CDH8: variants seen among roughly 807,000 people sequenced by gnomAD.
CDH8 encodes the protein cadherin-8.
Under a neutral mutation model 68.1 loss-of-function variants are expected in CDH8, and 17 were observed. The ratio of observed to expected loss-of-function variants is 0.25; its 90% CI spans 0.17 to 0.37. The LOEUF is 0.37. Ranked by LOEUF, CDH8 falls within the 10% of genes least tolerant of loss-of-function variation. The pLI, the probability that CDH8 is intolerant of heterozygous loss-of-function variation, is 1.00. For synonymous variants in CDH8, 372 were observed against 365.1 expected (o/e 1.02, Z -0.21); for missense variants, 763 against 999.3 (o/e 0.76, Z 3.19).
intron 3 of CDH8, among the ~76,000 whole-genome samples, chr16:61,863,903 C>T (rs1411067149): frequency 6.6e-6 from 1 of 152,168 alleles, no homozygotes; most frequent in Non-Finnish European, 1.5e-5. Flanking sequence ...CCAAAGATCA[C>T]TGGCCTAAAA....
chr16:61,727,504 A>T (rs561070257), intron 8 of CDH8, among the ~76,000 whole-genome samples: 1 of 151,146 alleles, frequency 6.6e-6, no homozygotes, highest in African/African-American at 2.4e-5. Context: ...TATTTTATAG[A>T]TAAGGGATCA....
At chr16:61,744,026 C>T (rs1412623708) in intron 8 of CDH8, among the ~76,000 whole-genome samples, 2 of 152,024 alleles carry the variant, frequency 1.3e-5, no homozygotes, top group African/African-American at 2.4e-5. Context: ...AAGGTATATA[C>T]TGCATGTGTT....
chr16:61,948,357 A>G (rs775795290), intron 2 of CDH8, among the ~76,000 whole-genome samples: 19 of 152,196 alleles, frequency 1.2e-4, no homozygotes, highest in Non-Finnish European at 2.2e-4. Context: ...ATCTAACATC[A>G]TCTAGAACAG....
At chr16:61,697,275 C>G (rs1220519190) in intron 10 of CDH8, among the ~76,000 whole-genome samples, 4 of 151,956 alleles carry the variant, frequency 2.6e-5, no homozygotes, top group African/African-American at 7.3e-5. Context: ...TTTCCAGGGC[C>G]AGCATCTTGT....
intron 2 of CDH8, among the ~76,000 whole-genome samples, chr16:61,999,784 A>G (rs993352369): frequency 5.3e-5 from 8 of 152,084 alleles, no homozygotes; most frequent in African/African-American, 1.7e-4. Flanking sequence ...AAAAATTATA[A>G]TGAATTCCCC....
At chr16:61,763,012 T>C (rs565622053) in intron 8 of CDH8, among the ~76,000 whole-genome samples, 8 of 152,120 alleles carry the variant, frequency 5.3e-5, no homozygotes, top group Non-Finnish European at 1.0e-4. Context: ...ATAAGAGCAT[T>C]TGGACACCAA....
At chr16:61,776,062 A>T (rs926088300) in intron 8 of CDH8, among the ~76,000 whole-genome samples, 3 of 152,122 alleles carry the variant, frequency 2.0e-5, no homozygotes, top group African/African-American at 7.2e-5. Context: ...ATGATAGGGA[A>T]TGTAAGAGTT....
chr16:61,782,553 G>A (rs1961101953), intron 8 of CDH8, among the ~76,000 whole-genome samples: 2 of 152,034 alleles, frequency 1.3e-5, no homozygotes, highest in South Asian at 4.1e-4. Context: ...GGTAAACAAA[G>A]CAGCCAGGAA....
chr16:61,705,012 G>C (rs1226742160), intron 10 of CDH8, among the ~76,000 whole-genome samples: 4 of 152,138 alleles, frequency 2.6e-5, no homozygotes, highest in Non-Finnish European at 5.9e-5. Context: ...AGCCTCAAAA[G>C]GCTGAGGATA....
intron 3 of CDH8, among the ~76,000 whole-genome samples, chr16:61,857,889 C>T (rs940727411): frequency 1.3e-5 from 2 of 151,762 alleles, no homozygotes; most frequent in Non-Finnish European, 2.9e-5. Flanking sequence ...AATTTAATGC[C>T]AAGATGGGGA....
intron 2 of CDH8, among the ~76,000 whole-genome samples, chr16:62,018,848 G>A (rs1028583804): frequency 5.9e-5 from 9 of 152,296 alleles, no homozygotes; most frequent in East Asian, 5.8e-4. Flanking sequence ...AAGCATGAAC[G>A]TCTCACGTGT....
At chr16:61,745,591 C>A (rs1366466560) in intron 8 of CDH8, among the ~76,000 whole-genome samples, 1 of 147,596 alleles carries the variant, frequency 6.8e-6, no homozygotes, top group African/African-American at 2.5e-5. Flanking sequence ...TGTCTCTTTT[C>A]TTTCTTTTTT....
intron 10 of CDH8, among the ~76,000 whole-genome samples, chr16:61,670,699 G>A (rs1963773204): frequency 6.6e-6 from 1 of 151,774 alleles, no homozygotes; most frequent in Non-Finnish European, 1.5e-5. Flanking sequence ...TAATCTGTGG[G>A]ATATCCATCC....
At chr16:61,895,909 A>C (rs1350672696) in intron 3 of CDH8, among the ~76,000 whole-genome samples, 1 of 152,126 alleles carries the variant, frequency 6.6e-6, no homozygotes, top group East Asian at 1.9e-4. Context: ...TACACTATAG[A>C]GATAGAGAAA....
chr16:61,747,922 T>C (rs1035488128), intron 8 of CDH8, among the ~76,000 whole-genome samples: 1 of 152,154 alleles, frequency 6.6e-6, no homozygotes, highest in Non-Finnish European at 1.5e-5. Context: ...TTGAACACAG[T>C]TATTTGGCTA....
chr16:61,901,602 A>G lies in CDH8; in HGVS notation c.253-129T>C, dbSNP rs2143266447. On this transcript the variant is annotated intron_variant, in intron 2 of 11. Coordinates refer to ENST00000577390, the MANE Select transcript of CDH8 (RefSeq NM_001796.5). ...ATCAATTTCTGCTAATAGTAGCTGT[A>G]CAAAGTGTATGCAGCTGTGCGGATA... 3 of 641,164 alleles carry G rather than the reference A, an allele frequency of 4.7e-6. No homozygotes were observed. In the East Asian group the frequency reaches 8.1e-5, roughly 17 times the overall value. The allele number at this position is 641,164 out of a possible 1,614,324, so 39.7% of individuals were successfully genotyped here. A position where few individuals can be genotyped will look rare whatever the true frequency, so the allele number is the denominator to read the frequency against.
chr16:61,699,980 G>GAT (rs1209194839), intron 10 of CDH8, among the ~76,000 whole-genome samples: 2 of 152,066 alleles, frequency 1.3e-5, no homozygotes, highest in African/African-American at 4.8e-5. Flanking sequence ...TTGACTCTAA[G>GAT]ATATATATAT....
intron 3 of CDH8, among the ~76,000 whole-genome samples, chr16:61,859,624 G>A (rs1963114670): frequency 6.6e-6 from 1 of 152,136 alleles, no homozygotes; most frequent in South Asian, 2.1e-4. Context: ...ATTAAGAGAG[G>A]ATAAAACATT....
intron 2 of CDH8, among the ~76,000 whole-genome samples, chr16:61,901,861 T>C (rs1362560415): frequency 1.3e-5 from 2 of 152,164 alleles, no homozygotes; most frequent in African/African-American, 4.8e-5. Flanking sequence ...GAATCACTTC[T>C]CATATAATCA....
Sources: gnomAD v4.1 joint callset for allele counts (sites outside exome capture counted in the v4.1 genomes callset) on GRCh38, gnomAD v4.1.1 for gene constraint, MANE v1.5 for transcripts, NCBI Gene and HGNC (gene_info 2026-07-23, HGNC 2026-07-21) for gene names.